STARD13: variants seen among roughly 807,000 people sequenced by gnomAD.
STARD13 encodes the protein stAR-related lipid transfer protein 13.
STARD13 carries 62 observed loss-of-function variants against 106.4 expected under a neutral mutation model. The observed-to-expected ratio is 0.58, with a 90% CI of 0.48 to 0.72. STARD13 has a LOEUF of 0.72. STARD13 is among the 30% of genes least tolerant of loss of function. The pLI is 0.00. For synonymous variants in STARD13, 565 were observed against 553.0 expected (o/e 1.02, Z -0.31); for missense variants, 1,387 against 1,424.0 (o/e 0.97, Z 0.42).
At chr13:33,428,577 C>T in the STARD13 span, among the ~76,000 whole-genome samples, 1 of 152,016 alleles carries the variant, frequency 6.6e-6, no homozygotes, top group East Asian at 1.9e-4. Context: ...CTTAACATTG[C>T]TAATCATCAG....
rs112075382 is a variant in STARD13 at position 33,314,384 on chromosome 13, G to A, written c.124+35906C>T. On this transcript the variant is annotated intron_variant, in intron 1 of 5. Transcript: ENST00000567873. ...TGGGCACCAATAGTGATTTGGAGCA[G>A]GACTACAGCCACGGTGGTAGGAATG... Among the ~76,000 whole-genome samples the A allele has an allele frequency of 3.7e-3, 566 of 152,254 alleles. 2 individuals carry two copies. The highest frequency in any genetic ancestry group is 8.0e-3 in the Admixed American group (122 of 15,292).
the STARD13 span, among the ~76,000 whole-genome samples, chr13:33,584,615 A>G: frequency 5.3e-5 from 8 of 152,178 alleles, no homozygotes; most frequent in Non-Finnish European, 1.0e-4. Context: ...GTTGGTTACA[A>G]ATGTCGAGCA....
chr13:33,505,518 T>C, the STARD13 span, among the ~76,000 whole-genome samples: 2 of 152,166 alleles, frequency 1.3e-5, no homozygotes, highest in South Asian at 4.1e-4. Flanking sequence ...AAAACATTAA[T>C]ATTATCCTTT....
chr13:33,431,289 A>C, the STARD13 span, among the ~76,000 whole-genome samples: 72 of 152,284 alleles, frequency 4.7e-4, no homozygotes, highest in Admixed American at 1.4e-3. Flanking sequence ...TACACCCCAG[A>C]TTTTTAATAC....
intron 3 of STARD13, among the ~76,000 whole-genome samples, chr13:33,157,761 C>T (rs1882158828): frequency 6.6e-6 from 1 of 152,196 alleles, no homozygotes; most frequent in Admixed American, 6.5e-5. Context: ...AACCAAAATG[C>T]AAATTTAACA....
intron 3 of STARD13, among the ~76,000 whole-genome samples, chr13:33,150,382 G>A (rs1157467649): frequency 6.6e-6 from 1 of 152,128 alleles, no homozygotes; most frequent in Non-Finnish European, 1.5e-5. Flanking sequence ...ACAACACTAG[G>A]GACCACTTGG....
the STARD13 span, among the ~76,000 whole-genome samples, chr13:33,401,119 TTC>T: frequency 6.6e-6 from 1 of 152,246 alleles, no homozygotes; most frequent in Non-Finnish European, 1.5e-5. Flanking sequence ...CAGAATTTCG[TTC>T]TTTGTCTTAA....
the STARD13 span, among the ~76,000 whole-genome samples, chr13:33,491,774 A>G: frequency 1.3e-5 from 2 of 152,252 alleles, no homozygotes; most frequent in Non-Finnish European, 2.9e-5. Flanking sequence ...TCTGAGGAAT[A>G]AGGTTTGAAA....
At chr13:33,543,492 T>C in the STARD13 span, among the ~76,000 whole-genome samples, 1 of 148,644 alleles carries the variant, frequency 6.7e-6, no homozygotes, top group Non-Finnish European at 1.5e-5. Flanking sequence ...ATGTTCTTTT[T>C]TTCCTGTAAT....
chr13:33,283,827 T>C (rs974391822), intron 1 of STARD13, among the ~76,000 whole-genome samples: 1 of 152,170 alleles, frequency 6.6e-6, no homozygotes, highest in Non-Finnish European at 1.5e-5. Flanking sequence ...CTTCAAATCT[T>C]GAATGGAAAA....
At chr13:33,337,982 C>T (rs142232669) in intron 1 of STARD13, among the ~76,000 whole-genome samples, 4 of 152,310 alleles carry the variant, frequency 2.6e-5, no homozygotes, top group South Asian at 2.1e-4. Context: ...TCAGCCCTGC[C>T]GGGGTGTAGT....
At chr13:33,298,531 C>T (rs1370321451) in intron 1 of STARD13, among the ~76,000 whole-genome samples, 1 of 151,954 alleles carries the variant, frequency 6.6e-6, no homozygotes. Context: ...CCACGCACCA[C>T]CTTTACGGCT....
At chr13:33,569,678 C>G in the STARD13 span, among the ~76,000 whole-genome samples, 1 of 147,718 alleles carries the variant, frequency 6.8e-6, no homozygotes, top group Non-Finnish European at 1.5e-5. Context: ...GGTAATTACA[C>G]TAATATTTCA....
Position 33,103,869 on chromosome 13 carries a change from G to A in STARD13, c.*1724C>T, listed in dbSNP as rs1873379348. ...GTTATGGCAGAAGTGACTTTGTTTT[G>A]CTCACAAAGCATTGCCCAAAAGGTA... On this transcript the variant is annotated 3_prime_UTR_variant, in exon 14 of 14. Transcript: ENST00000336934. 6.6e-6 allele frequency: 1 copy of A among 152,148 alleles called. No individual in the cohort carries two copies. Among genetic ancestry groups the A allele is most frequent in the Non-Finnish European group, 1.5e-5 (1 of 68,028 alleles). The allele number at this position is 152,148 out of a possible 1,614,324, so 9.4% of individuals were successfully genotyped here.
At chr13:33,142,265 C>T (rs761559155) in intron 4 of STARD13, 45 bp downstream of exon 4, 2 of 1,442,740 alleles carry the variant, frequency 1.4e-6, no homozygotes, top group East Asian at 2.3e-5. Context: ...AAACTCCTGG[C>T]ATTCACTGGC....
chr13:33,349,295 C>T, intron 1 of STARD13: 1 of 698,882 alleles, frequency 1.4e-6, no homozygotes, highest in South Asian at 1.5e-5. Flanking sequence ...CATGCTTCCC[C>T]CAGTCCCCGA....
intron 11 of STARD13, 46 bp from the exon 12 acceptor site, chr13:33,110,136 G>A: frequency 6.4e-7 from 1 of 1,572,714 alleles, no homozygotes; most frequent in Non-Finnish European, 8.7e-7. Flanking sequence ...TCTGGGATAT[G>A]GGTCCAACAT....
At chr13:33,659,225 T>TGTTTC in the STARD13 span, among the ~76,000 whole-genome samples, 1 of 43,086 alleles carries the variant, frequency 2.3e-5, no homozygotes, top group African/African-American at 5.2e-5. Flanking sequence ...TTTTTCTTTT[T>TGTTTC]TTTTTTTTTT....
intron 1 of STARD13, among the ~76,000 whole-genome samples, chr13:33,247,867 C>G (rs1889908351): frequency 2.0e-5 from 3 of 152,042 alleles, no homozygotes; most frequent in African/African-American, 7.2e-5. Context: ...TTGAGGTGCC[C>G]AGACACCCCA....
Sources: allele counts gnomAD v4.1 joint callset (sites outside exome capture counted in the v4.1 genomes callset), GRCh38; gene constraint gnomAD v4.1.1; transcripts MANE v1.5; gene names NCBI Gene and HGNC (gene_info 2026-07-23, HGNC 2026-07-21).